NPHP1: variants seen among roughly 807,000 people sequenced by gnomAD.
The protein encoded by NPHP1 is nephrocystin-1.
In NPHP1, 70 loss-of-function variants were observed where a neutral mutation model predicts 90.4. The observed-to-expected ratio is 0.77, with a 90% CI of 0.64 to 0.95. The LOEUF is 0.95. Among genes scored for constraint, NPHP1 ranks in the 40% least tolerant of loss-of-function variants. The probability of loss-of-function intolerance (pLI) is 0.00; values close to 1 mark genes in which losing one functional copy is unlikely to be tolerated. For missense variants in NPHP1, 764 were observed against 795.9 expected (o/e 0.96, Z 0.48); for synonymous variants, 256 against 271.7 (o/e 0.94, Z 0.57).
intron 11 of NPHP1, among the ~76,000 whole-genome samples, chr2:110,156,585 G>A (rs1681907225): frequency 6.6e-6 from 1 of 152,096 alleles, no homozygotes. Context: ...CTCCTCTCCA[G>A]TGTCTGCCTG....
At chr2:110,124,257 A>G (rs374429375) in intron 19 of NPHP1, 194 bp from the exon 20 acceptor site, 1 of 661,736 alleles carries the variant, frequency 1.5e-6, no homozygotes. Context: ...TACACAGAGT[A>G]CAGTGGAGCA....
chr2:110,152,375 A>C (rs916963313), intron 11 of NPHP1, among the ~76,000 whole-genome samples: 1 of 152,022 alleles, frequency 6.6e-6, no homozygotes, highest in Non-Finnish European at 1.5e-5. Flanking sequence ...GAAGCAATGA[A>C]GCAGTGATAG....
At chr2:110,124,682 GCTGTC>G in intron 19 of NPHP1, 1 of 171,148 alleles carries the variant, frequency 5.8e-6, no homozygotes, top group Non-Finnish European at 1.3e-5. Flanking sequence ...TGAGGGCAGA[GCTGTC>G]CACAGGCAGC....
At chr2:110,125,426 G>T in intron 19 of NPHP1, 2 of 1,248,254 alleles carry the variant, frequency 1.6e-6, no homozygotes, top group Non-Finnish European at 2.2e-6. Context: ...ATCTGAAATG[G>T]CTGTCTTGAA....
chr2:110,172,950 CTTTT>C (rs930833244), intron 4 of NPHP1, among the ~76,000 whole-genome samples: 2 of 142,720 alleles, frequency 1.4e-5, no homozygotes, highest in Non-Finnish European at 3.0e-5. Context: ...AATTTCTTTT[CTTTT>C]TCTTTTTCTT....
At chr2:110,160,921 C>A (rs1251673284) in intron 10 of NPHP1, among the ~76,000 whole-genome samples, 1 of 152,066 alleles carries the variant, frequency 6.6e-6, no homozygotes, top group Non-Finnish European at 1.5e-5. Flanking sequence ...AATCCTAGCA[C>A]TTTGGGAGGG....
rs538690900 is a variant in NPHP1, at chr2:110,124,021, G to A, written c.1804C>T (p.His602Tyr). Residue 602 changes from histidine to tyrosine, a missense_variant, in exon 20 of 20, where the codon CAT (histidine) becomes TAT (tyrosine). His to Tyr is a moderately conservative substitution (Grantham distance 83, BLOSUM62 2). Transcript: ENST00000445609. The stretch of plus-strand genomic sequence containing the variant: ...TGGAGAAGTGGGAGCACGCAGTCAT[G>A]GTAAACCAGGAGAAACGTGGACTTC... ...FLKSTFLLVYHDCVLPLLHST... is the reference protein window; with the variant it reads ...FLKSTFLLVYYDCVLPLLHST... The A allele has an allele frequency of 1.2e-6, 2 of 1,614,046 alleles. No individual in the cohort carries two copies. Among genetic ancestry groups the A allele is most frequent in the East Asian group, 2.2e-5 (1 of 44,880 alleles).
At chr2:110,136,904 C>G (rs1441867593) in intron 16 of NPHP1, among the ~76,000 whole-genome samples, 3 of 152,102 alleles carry the variant, frequency 2.0e-5, no homozygotes, top group East Asian at 3.8e-4. Flanking sequence ...GGAGGCATCA[C>G]GCTACCTGAC....
intron 2 of NPHP1, among the ~76,000 whole-genome samples, chr2:110,187,683 C>T (rs1293048533): frequency 3.9e-5 from 6 of 152,018 alleles, no homozygotes; most frequent in Admixed American, 2.0e-4. Context: ...AGCATCCTCC[C>T]GATACCAAAA....
chr2:110,161,696 C>G lies in NPHP1; in HGVS notation c.861G>C (p.Gly287=). ...PSTLSQLLEE[G]NQFRANYFLQ... ...AGAAGTAATTTGCTCGAAATTGATT[C>G]CCTGAAAAAATCATTTTTTCTTCAT... Residue 287 remains glycine (G), a splice_region_variant and synonymous_variant, in exon 10 of 20, where the codon GGG becomes GGC. Transcript: ENST00000445609. 1 of 1,606,438 alleles carries G rather than the reference C, an allele frequency of 6.2e-7. No individual in the cohort carries two copies. Among genetic ancestry groups the G allele is most frequent in the Non-Finnish European group, 8.5e-7 (1 of 1,173,306 alleles).
At position 110,180,988 on chromosome 2, in the gene NPHP1, T is replaced by A. The variant is rs542361072; in HGVS notation, c.144-1304A>T. Among the ~76,000 whole-genome samples, 5 of 152,266 alleles carry A rather than the reference T, an allele frequency of 3.3e-5. No individual in the cohort carries two copies. The East Asian group carries it at 9.7e-4, about 29-fold the overall frequency. On this transcript the variant is annotated intron_variant, in intron 2 of 19. Coordinates refer to ENST00000445609, the MANE Select transcript of NPHP1 (RefSeq NM_001128178.3). ...AAGGGGGGATATCCATCTGTATATA[T>A]CCCTAGAAAGGGAGCTGAATCCAGG...
At chr2:110,149,589 T>G (rs1328977173) in intron 12 of NPHP1, among the ~76,000 whole-genome samples, 1 of 152,158 alleles carries the variant, frequency 6.6e-6, no homozygotes, top group East Asian at 1.9e-4. Context: ...GAAAGGTAAC[T>G]AAGGGTTTTC....
chr2:110,171,481 A>G (rs17842674), intron 4 of NPHP1, among the ~76,000 whole-genome samples: 1,550 of 152,292 alleles, frequency 0.01, 25 homozygotes, highest in African/African-American at 0.036. Context: ...TTTGTTTAAA[A>G]TAATGGTAGG....
intron 8 of NPHP1, chr2:110,164,426 G>A: frequency 1.3e-6 from 1 of 746,488 alleles, no homozygotes; most frequent in Non-Finnish European, 2.4e-6. Flanking sequence ...TAGGAAAGCA[G>A]GATCAATGAG....
chr2:110,150,065 A>T, intron 12 of NPHP1, 117 bp downstream of exon 12: 2 of 874,750 alleles, frequency 2.3e-6, no homozygotes, highest in Admixed American at 3.5e-5. Context: ...GTCCTCAAAG[A>T]ACACCAAAGA....
intron 2 of NPHP1, among the ~76,000 whole-genome samples, chr2:110,190,472 G>A (rs1684635209): frequency 6.6e-6 from 1 of 152,188 alleles, no homozygotes; most frequent in Non-Finnish European, 1.5e-5. Flanking sequence ...GGGGCTGGCT[G>A]GCTGGCCGCT....
At chr2:110,155,310 C>T (rs1452597170) in intron 11 of NPHP1, among the ~76,000 whole-genome samples, 1 of 152,148 alleles carries the variant, frequency 6.6e-6, no homozygotes, top group East Asian at 1.9e-4. Flanking sequence ...AGGGGCGGGG[C>T]TCTCATGGAG....
At chr2:110,185,200 A>T in intron 2 of NPHP1, 1 of 536,068 alleles carries the variant, frequency 1.9e-6, no homozygotes, top group South Asian at 1.5e-5. Flanking sequence ...TATCATCTTC[A>T]CCTCTCTCTG....
intron 11 of NPHP1, among the ~76,000 whole-genome samples, chr2:110,154,682 C>T (rs796564964): frequency 2.4e-4 from 37 of 152,208 alleles, no homozygotes; most frequent in African/African-American, 8.9e-4. Flanking sequence ...CATTTTGCCC[C>T]TGCCCTAGAG....
Sources: gnomAD v4.1 joint callset for allele counts (sites outside exome capture counted in the v4.1 genomes callset) on GRCh38, gnomAD v4.1.1 for gene constraint, MANE v1.5 for transcripts, NCBI Gene and HGNC (gene_info 2026-07-23, HGNC 2026-07-21) for gene names.